The following RIMS3 variants were observed in gnomAD, a reference collection of about 807,000 sequenced individuals.
The protein encoded by RIMS3 is regulating synaptic membrane exocytosis 3.
A neutral mutation model predicts 29.2 loss-of-function variants in RIMS3; 15 were observed. That is an observed-to-expected ratio of 0.51 (90% confidence interval 0.34 to 0.79). The LOEUF (loss-of-function observed/expected upper bound fraction) is 0.79. RIMS3 is among the 30% of genes least tolerant of loss of function. The pLI is 0.01. For synonymous variants in RIMS3, 161 were observed against 170.1 expected (o/e 0.95, Z 0.41); for missense variants, 342 against 421.4 (o/e 0.81, Z 1.65).
At chr1:40,652,165 G>A (rs1646636170) in intron 1 of RIMS3, among the ~76,000 whole-genome samples, 1 of 152,146 alleles carries the variant, frequency 6.6e-6, no homozygotes, top group African/African-American at 2.4e-5. Flanking sequence ...TCTCCTTACA[G>A]GGGCTGCTAA....
upstream of RIMS3, among the ~76,000 whole-genome samples, chr1:40,670,062 G>A (rs1335703754): frequency 2.0e-5 from 3 of 152,102 alleles, no homozygotes; most frequent in East Asian, 5.8e-4. Flanking sequence ...GCTGCTGTTG[G>A]TGACTTGGTC....
chr1:40,666,338 G>A (rs767882751), upstream of RIMS3, among the ~76,000 whole-genome samples: 5 of 152,188 alleles, frequency 3.3e-5, no homozygotes, highest in Non-Finnish European at 7.3e-5. Flanking sequence ...CCAACGAGGA[G>A]GTTGCTACTG....
intron 1 of RIMS3, among the ~76,000 whole-genome samples, chr1:40,655,371 G>A (rs903166874): frequency 2.0e-5 from 3 of 152,092 alleles, no homozygotes; most frequent in Non-Finnish European, 2.9e-5. Context: ...GAGGTCTCAA[G>A]TCCTGGCCTC....
Position 40,638,327 on chromosome 1 carries a change from A to G in RIMS3, c.218-2270T>C, listed in dbSNP as rs117588482. Among the ~76,000 whole-genome samples, 151 of 152,308 alleles carry G rather than the reference A, an allele frequency of 9.9e-4. 2 individuals carry two copies. The East Asian group carries it at 0.02, about 20-fold the overall frequency. ...GAGGAGAAAGCTCTTGCAATCTCAG[A>G]GACGATCCCTCCACTGGCTTCATAC... On this transcript the variant is annotated intron_variant, in intron 3 of 7. Coordinates refer to ENST00000372684, the MANE Select transcript of RIMS3 (RefSeq NM_014747.3).
chr1:40,642,846 C>G (rs1646567477), intron 2 of RIMS3, among the ~76,000 whole-genome samples: 1 of 98,294 alleles, frequency 1.0e-5, no homozygotes, highest in African/African-American at 3.8e-5. Flanking sequence ...ATCCCAACTA[C>G]TCAGGAGGCT....
chr1:40,685,648 G>A, the RIMS3 span, among the ~76,000 whole-genome samples: 3 of 152,012 alleles, frequency 2.0e-5, no homozygotes, highest in Admixed American at 6.6e-5. Flanking sequence ...GCTATGAGCA[G>A]CGTATGGGAA....
In RIMS3 at chr1:40,659,756, A is replaced by G. The variant is rs115198657; in HGVS notation, c.-207+5638T>C. On this transcript the variant is annotated intron_variant, in intron 1 of 7. Transcript: ENST00000372684. ...GCTGGTATCTATCTGAAGGATAAGT[A>G]GGAGTTAGCAGGGCCCCAAGAGGGG... Among the ~76,000 whole-genome samples, 711 of 152,344 alleles carry G rather than the reference A, an allele frequency of 4.7e-3. 6 individuals are homozygous for G. Among genetic ancestry groups the G allele is most frequent in the African/African-American group, 0.017 (687 of 41,562 alleles).
chr1:40,644,564 G>C (rs1646581897), intron 2 of RIMS3, among the ~76,000 whole-genome samples: 2 of 152,206 alleles, frequency 1.3e-5, no homozygotes, highest in Non-Finnish European at 1.5e-5. Flanking sequence ...CTAAGTGCTA[G>C]GGAAGAGGAC....
Position 40,658,271 on chromosome 1 carries a change from C to G in RIMS3, c.-207+7123G>C, listed in dbSNP as rs150943260. Reference sequence around the variant, plus strand: ...AATTCAGGCTTTCTTCTCCCTCTCTCTCCTCAGGCCTCTGAATGACATTTG... The same window carrying G: ...AATTCAGGCTTTCTTCTCCCTCTCTGTCCTCAGGCCTCTGAATGACATTTG... On this transcript the variant is annotated intron_variant, in intron 1 of 7. Coordinates refer to ENST00000372684, the MANE Select transcript of RIMS3 (RefSeq NM_014747.3). Among the ~76,000 whole-genome samples the G allele has an allele frequency of 2.6e-4, 40 of 152,338 alleles. 2 individuals carry two copies. In the South Asian group the frequency reaches 3.9e-3, roughly 15 times the overall value.
At chr1:40,662,248 T>A (rs1642363062) in intron 1 of RIMS3, among the ~76,000 whole-genome samples, 1 of 152,168 alleles carries the variant, frequency 6.6e-6, no homozygotes, top group South Asian at 2.1e-4. Context: ...ACGCCAAGCC[T>A]GTTCTCACCA....
the RIMS3 span, among the ~76,000 whole-genome samples, chr1:40,675,515 T>A: frequency 2.0e-5 from 3 of 152,046 alleles, no homozygotes; most frequent in African/African-American, 7.2e-5. Context: ...CCCAGCACTT[T>A]GGGAGGTTGA....
chr1:40,662,889 G>A (rs554167907), intron 1 of RIMS3, among the ~76,000 whole-genome samples: 10 of 152,298 alleles, frequency 6.6e-5, no homozygotes, highest in African/African-American at 2.4e-4. Flanking sequence ...GGAAGCGGAA[G>A]GCATTAGATT....
intron 4 of RIMS3, among the ~76,000 whole-genome samples, chr1:40,634,113 C>T (rs956271210): frequency 4.6e-5 from 7 of 152,062 alleles, no homozygotes; most frequent in Non-Finnish European, 1.0e-4. Context: ...CCTGCCAACC[C>T]TCAGGGGCTA....
intron 1 of RIMS3, among the ~76,000 whole-genome samples, chr1:40,660,476 C>T (rs551105278): frequency 6.6e-6 from 1 of 151,516 alleles, no homozygotes; most frequent in South Asian, 2.1e-4. Context: ...TTCTCAGGCT[C>T]AAGCGATCCT....
intron 3 of RIMS3, among the ~76,000 whole-genome samples, chr1:40,640,088 T>G (rs1291563537): frequency 6.6e-6 from 1 of 152,194 alleles, no homozygotes; most frequent in African/African-American, 2.4e-5. Flanking sequence ...ACTTTGGGCA[T>G]GAAGAAGCCT....
At chr1:40,687,378 G>T in the RIMS3 span, 1 of 152,010 alleles carries the variant, frequency 6.6e-6, no homozygotes, top group Non-Finnish European at 1.5e-5. Context: ...AAGGCAGGTG[G>T]ATCACCTGAG....
chr1:40,646,299 A>G (rs987433771), intron 2 of RIMS3, among the ~76,000 whole-genome samples: 2 of 152,172 alleles, frequency 1.3e-5, no homozygotes, highest in Non-Finnish European at 2.9e-5. Flanking sequence ...AGGGCCATCC[A>G]CTGCATAGCA....
chr1:40,635,957 C>T lies in RIMS3; in HGVS notation c.318G>A (p.Glu106=), dbSNP rs1227686066. Residue 106 remains glutamate, a synonymous_variant, in exon 4 of 8, where the codon GAG becomes GAA. Transcript: ENST00000372684. The surrounding 1 kb of genome is among the most constrained non-coding windows in gnomAD (Gnocchi z 4.1). ...TGCTGTTGGTGCTCCCATCGGTGGA[C>T]TCCCGGCTGCCCTGGCGTGTGACCC... The part of the protein sequence containing the change: ...RSRVTRQGSR[E]STDGSTNSNS... 6.2e-7 allele frequency: 1 copy of T among 1,612,458 alleles called. No individual in the cohort carries two copies. Among genetic ancestry groups the T allele is most frequent in the Admixed American group, 1.7e-5 (1 of 60,010 alleles).
the RIMS3 span, among the ~76,000 whole-genome samples, chr1:40,688,121 T>C: frequency 0.013 from 1,936 of 152,190 alleles, 21 homozygotes; most frequent in Non-Finnish European, 0.019. Context: ...TGTGCCACCA[T>C]GCCCGGCTAA....
Sources: gnomAD v4.1 joint callset for allele counts (sites outside exome capture counted in the v4.1 genomes callset) on GRCh38, gnomAD v4.1.1 for gene constraint, Gnocchi (gnomAD v3.1) non-coding constraint, MANE v1.5 for transcripts, NCBI Gene and HGNC (gene_info 2026-07-23, HGNC 2026-07-21) for gene names.